The following RSPO3 variants were observed in gnomAD, a reference collection of about 807,000 sequenced individuals.
RSPO3 encodes the protein R-spondin-3.
Under a neutral mutation model 36.5 loss-of-function variants are expected in RSPO3, and 17 were observed. The observed-to-expected ratio is 0.47, with a 90% CI of 0.32 to 0.70. RSPO3 has a LOEUF of 0.70. RSPO3 is among the 30% of genes least tolerant of loss of function. The pLI, the probability that RSPO3 is intolerant of heterozygous loss-of-function variation, is 0.04. For synonymous variants in RSPO3, 108 were observed against 107.0 expected, an observed-to-expected ratio of 1.01 and a Z score of -0.06; for missense variants, 294 against 322.5, an observed-to-expected ratio of 0.91 and a Z score of 0.68.
chr6:127,161,953 A>G (rs1316830406), intron 4 of RSPO3, among the ~76,000 whole-genome samples: 1 of 152,134 alleles, frequency 6.6e-6, no homozygotes, highest in African/African-American at 2.4e-5. Context: ...ACAACCACTT[A>G]CTTAACAATT....
chr6:127,145,961 T>A (rs1208698972), intron 1 of RSPO3, among the ~76,000 whole-genome samples: 1 of 152,128 alleles, frequency 6.6e-6, no homozygotes, highest in Non-Finnish European at 1.5e-5. Context: ...AAATGAAGTT[T>A]GGGAAATTTG....
intron 4 of RSPO3, among the ~76,000 whole-genome samples, chr6:127,179,299 G>T (rs1229515440): frequency 1.3e-5 from 2 of 151,782 alleles, no homozygotes; most frequent in Non-Finnish European, 1.5e-5. Context: ...GTATAAACTC[G>T]TAATAAAAAT....
intron 1 of RSPO3, among the ~76,000 whole-genome samples, chr6:127,124,325 T>G (rs1019008787): frequency 6.6e-6 from 1 of 152,022 alleles, no homozygotes; most frequent in Admixed American, 6.6e-5. Flanking sequence ...TTCCAAGTAG[T>G]GAATTCTTGA....
intron 1 of RSPO3, among the ~76,000 whole-genome samples, chr6:127,121,779 T>C (rs1252893935): frequency 6.6e-6 from 1 of 152,234 alleles, no homozygotes; most frequent in Non-Finnish European, 1.5e-5. Flanking sequence ...TCACAGTTCC[T>C]GTTTCTCAAG....
intron 1 of RSPO3, among the ~76,000 whole-genome samples, chr6:127,143,874 A>G (rs929663126): frequency 6.6e-6 from 1 of 152,214 alleles, no homozygotes; most frequent in Non-Finnish European, 1.5e-5. Context: ...ACAAGTAGCC[A>G]AAGGTTGTAT....
At chr6:127,171,242 C>A (rs1362336749) in intron 4 of RSPO3, among the ~76,000 whole-genome samples, 1 of 151,590 alleles carries the variant, frequency 6.6e-6, no homozygotes, top group Non-Finnish European at 1.5e-5. Flanking sequence ...CAGAAAAGCA[C>A]AGTATTTTTT....
chr6:127,155,512 A>G lies in RSPO3; in HGVS notation c.634+74A>G. 2 of 1,361,988 alleles carry G rather than the reference A, an allele frequency of 1.5e-6. 1 individual carries two copies. The highest frequency in any genetic ancestry group is 3.8e-5 in the Admixed American group (2 of 52,174). The allele number at this position is 1,361,988 out of a possible 1,614,324, so 84.4% of individuals were successfully genotyped here. ...TGCATTTTTCATTTTATTTCTTATG[A>G]AACACTTGGCATTATCTTTCATGCC... On this transcript the variant is annotated intron_variant, in intron 4 of 4. Coordinates refer to ENST00000356698, the MANE Select transcript of RSPO3 (RefSeq NM_032784.5).
rs1212760329 is a variant in RSPO3, at chr6:127,154,390, TG to T, written c.437-850del. Among the ~76,000 whole-genome samples the T allele has an allele frequency of 1.1e-4, 17 of 152,230 alleles. No homozygotes were observed. The South Asian group carries it at 1.7e-3, about 15-fold the overall frequency. On this transcript the variant is annotated intron_variant, in intron 3 of 4. Coordinates refer to ENST00000356698, the MANE Select transcript of RSPO3 (RefSeq NM_032784.5). ...TGTTACAACCTGAGAAAGCCGTTAT[TG>T]AAAAAAAGAAACTAATACAGAAAAA...
At chr6:127,139,169 GA>G (rs1473111460) in intron 1 of RSPO3, among the ~76,000 whole-genome samples, 2 of 152,006 alleles carry the variant, frequency 1.3e-5, no homozygotes, top group Non-Finnish European at 2.9e-5. Flanking sequence ...GTGAATCTAG[GA>G]AAAAAATCAC....
At chr6:127,158,353 G>A (rs1006039293) in intron 4 of RSPO3, among the ~76,000 whole-genome samples, 1 of 152,048 alleles carries the variant, frequency 6.6e-6, no homozygotes, top group African/African-American at 2.4e-5. Context: ...CACAGCTTGA[G>A]CATTTCAAGA....
chr6:127,150,534 T>G lies in RSPO3; in HGVS notation c.398T>G (p.Leu133Trp). ...TGCCTTGACAATTGCCCAGAAGGGT[T>G]GGAAGCCAACAACCATACTATGGAG... ...GKCLDNCPEG[L>W]EANNHTMECV... Residue 133 changes from leucine (L) to tryptophan (W), a missense_variant, in exon 3 of 5, where the codon TTG becomes TGG. By Grantham distance (61) the Leu-to-Trp change is moderately conservative (BLOSUM62 -2). Around this residue, in one of 3 missense-constraint regions of RSPO3, gnomAD observed 190 missense variants for 185.2 expected, o/e 1.03. Coordinates refer to ENST00000356698, the MANE Select transcript of RSPO3 (RefSeq NM_032784.5). 2 of 1,612,050 alleles carry G rather than the reference T, an allele frequency of 1.2e-6. No individual in the cohort carries two copies. Among genetic ancestry groups the G allele is most frequent in the Non-Finnish European group, 1.7e-6 (2 of 1,178,876 alleles).
At chr6:127,193,366 T>C (rs2114278209) in intron 4 of RSPO3, among the ~76,000 whole-genome samples, 1 of 152,314 alleles carries the variant, frequency 6.6e-6, no homozygotes, top group Non-Finnish European at 1.5e-5. Flanking sequence ...GAAGAAACAA[T>C]ACATTTCTTA....
intron 4 of RSPO3, among the ~76,000 whole-genome samples, chr6:127,179,250 TAATTAGATTGAGAGTAGAG>T (rs1258209084): frequency 6.6e-6 from 1 of 151,858 alleles, no homozygotes; most frequent in Non-Finnish European, 1.5e-5. Flanking sequence ...CTTCTTACAA[TAATTAGATTGAGAGTAGAG>T]AATTAGATTG....
rs1310963688 is a variant in RSPO3 at position 127,118,765 on chromosome 6, C to T, written c.-428C>T. On this transcript the variant is annotated 5_prime_UTR_variant, in exon 1 of 5. Transcript: ENST00000356698. Reference sequence around the variant, plus strand: ...CGCTGTGCCGACGGCGCCCGCTCCCCTGCGCTCCAGGGGCCCCCGCCGCTG... The same window carrying T: ...CGCTGTGCCGACGGCGCCCGCTCCCTTGCGCTCCAGGGGCCCCCGCCGCTG... 6.5e-6 allele frequency: 1 copy of T among 153,666 alleles called. No homozygotes were observed. The highest frequency in any genetic ancestry group is 2.4e-5 in the African/African-American group (1 of 41,330). 9.5% of individuals were successfully genotyped at this position (153,666 alleles called of 1,614,324 possible). A position where few individuals can be genotyped will look rare whatever the true frequency, so the allele number is the denominator to read the frequency against.
At chr6:127,173,836 C>T (rs1774991375) in intron 4 of RSPO3, among the ~76,000 whole-genome samples, 1 of 151,798 alleles carries the variant, frequency 6.6e-6, no homozygotes, top group African/African-American at 2.4e-5. Context: ...GCTGAAGGCA[C>T]GTGAGATTGA....
intron 1 of RSPO3, among the ~76,000 whole-genome samples, chr6:127,142,946 G>A (rs1774308200): frequency 6.6e-6 from 1 of 151,082 alleles, no homozygotes; most frequent in Non-Finnish European, 1.5e-5. Flanking sequence ...CTCCTGAGTA[G>A]CTGAGACCAC....
intron 1 of RSPO3, among the ~76,000 whole-genome samples, chr6:127,141,614 A>G (rs952165659): frequency 2.6e-5 from 4 of 152,196 alleles, no homozygotes; most frequent in Non-Finnish European, 4.4e-5. Context: ...TGGCGCACCA[A>G]CTGGGCTGTA....
At chr6:127,152,746 G>A (rs1774515396) in intron 3 of RSPO3, among the ~76,000 whole-genome samples, 1 of 152,082 alleles carries the variant, frequency 6.6e-6, no homozygotes, top group African/African-American at 2.4e-5. Context: ...TGGTTTGCAG[G>A]TGAAATGAAA....
intron 3 of RSPO3, among the ~76,000 whole-genome samples, chr6:127,153,952 G>A (rs1018103033): frequency 6.6e-5 from 10 of 152,002 alleles, no homozygotes; most frequent in African/African-American, 2.4e-4. Context: ...AATTGTAGTG[G>A]TATAACTGAG....
Sources: allele counts gnomAD v4.1 joint callset (sites outside exome capture counted in the v4.1 genomes callset), GRCh38; gene constraint gnomAD v4.1.1; regional missense constraint gnomAD v4.1.1; transcripts MANE v1.5; gene names NCBI Gene and HGNC (gene_info 2026-07-23, HGNC 2026-07-21).